CDK14: variants seen among roughly 807,000 people sequenced by gnomAD.
CDK14 encodes cyclin-dependent kinase 14.
Under a neutral mutation model 60.7 loss-of-function variants are expected in CDK14, and 34 were observed. That is an observed-to-expected ratio of 0.56 (90% CI 0.43 to 0.75). CDK14 has a LOEUF of 0.75. Among genes scored for constraint, CDK14 ranks in the 30% least tolerant of loss-of-function variants. The pLI, the probability that CDK14 is intolerant of heterozygous loss-of-function variation, is 0.00. For synonymous variants in CDK14, 197 were observed against 203.7 expected, an observed-to-expected ratio of 0.97 and a Z score of 0.28; for missense variants, 482 against 564.1, an observed-to-expected ratio of 0.85 and a Z score of 1.47.
chr7:90,741,181 C>G lies in CDK14; in HGVS notation c.370-6500C>G, dbSNP rs541205112. The stretch of plus-strand genomic sequence containing the variant: ...CTTGAAGCACTTACTAATTTTCCAG[C>G]AGTTCCCTCAACATTTGCCACAGTC... On this transcript the variant is annotated intron_variant, in intron 3 of 14. Coordinates refer to ENST00000380050, the MANE Select transcript of CDK14 (RefSeq NM_001287135.2). 3.3e-5 allele frequency among the ~76,000 whole-genome samples: 5 copies of G among 152,292 alleles called. No homozygotes were observed. The South Asian group carries it at 1.0e-3, about 32-fold the overall frequency.
rs144244349 is a variant in CDK14, at chr7:90,730,038, A to G, written c.369+3226A>G. On this transcript the variant is annotated intron_variant, in intron 3 of 14. Coordinates refer to ENST00000380050, the MANE Select transcript of CDK14 (RefSeq NM_001287135.2). ...ATCCCTCCCCTAGCCCTGGTGTATG[A>G]TGTTCCCCTCCCTGTGTCCATGTGT... Among the ~76,000 whole-genome samples the G allele has an allele frequency of 1.9e-3, 283 of 151,872 alleles. 2 individuals are homozygous for G. Among genetic ancestry groups the G allele is most frequent in the African/African-American group, 6.5e-3 (269 of 41,434 alleles).
intron 5 of CDK14, among the ~76,000 whole-genome samples, chr7:90,835,237 G>T (rs937118251): frequency 6.6e-6 from 1 of 152,176 alleles, no homozygotes; most frequent in Non-Finnish European, 1.5e-5. Context: ...AGAGGAATTT[G>T]TAAGGATTGG....
At chr7:91,019,784 C>T (rs1254528824) in intron 10 of CDK14, among the ~76,000 whole-genome samples, 1 of 152,156 alleles carries the variant, frequency 6.6e-6, no homozygotes, top group Non-Finnish European at 1.5e-5. Flanking sequence ...TTCTTTACTG[C>T]TTAGGGCTTT....
chr7:90,823,037 G>A (rs1393792992), intron 5 of CDK14, among the ~76,000 whole-genome samples: 1 of 152,146 alleles, frequency 6.6e-6, no homozygotes, highest in Non-Finnish European at 1.5e-5. Context: ...GGGCTAGTGT[G>A]TTGCTCTTCC....
At chr7:90,866,233 T>TACACACACACACACACACACACACACAC (rs3038210) in intron 6 of CDK14, among the ~76,000 whole-genome samples, 5 of 140,286 alleles carry the variant, frequency 3.6e-5, no homozygotes, top group Non-Finnish European at 7.8e-5. Flanking sequence ...CACATACACA[T>TACACACACACACACACACACACACACAC]ACACACACAC....
At chr7:90,747,578 T>C in intron 3 of CDK14, 103 bp from the exon 4 acceptor site, 1 of 680,456 alleles carries the variant, frequency 1.5e-6, no homozygotes, top group Non-Finnish European at 2.5e-6. Context: ...AAACAGTTAT[T>C]TAAAAAGTGA....
chr7:90,886,997 C>T (rs1403948010), intron 6 of CDK14, among the ~76,000 whole-genome samples: 2 of 152,088 alleles, frequency 1.3e-5, no homozygotes, highest in South Asian at 2.1e-4. Flanking sequence ...GACATTTGCT[C>T]ATAGGTACTG....
chr7:91,207,127 AT>A (rs1447410361), intron 14 of CDK14, 37 bp from the exon 15 acceptor site: 2 of 152,052 alleles, frequency 1.3e-5, no homozygotes, highest in East Asian at 1.9e-4. Flanking sequence ...AATGGTGTAG[AT>A]TTTTTATATA....
At chr7:91,105,842 A>T (rs908285415) in intron 12 of CDK14, among the ~76,000 whole-genome samples, 2 of 152,194 alleles carry the variant, frequency 1.3e-5, no homozygotes. Flanking sequence ...AGACTATCAA[A>T]ACTGAATAGG....
chr7:90,810,248 A>C (rs916170374), intron 5 of CDK14, among the ~76,000 whole-genome samples: 1 of 152,234 alleles, frequency 6.6e-6, no homozygotes, highest in Non-Finnish European at 1.5e-5. Flanking sequence ...CAAGTCCAGC[A>C]ACACATCAAA....
At chr7:91,190,750 A>G (rs1307043361) in intron 14 of CDK14, among the ~76,000 whole-genome samples, 1 of 151,988 alleles carries the variant, frequency 6.6e-6, no homozygotes, top group Admixed American at 6.5e-5. Context: ...TCGGCCTCCC[A>G]AAGTGCTAGG....
intron 8 of CDK14, among the ~76,000 whole-genome samples, chr7:90,919,920 G>A (rs1263124022): frequency 1.3e-5 from 2 of 152,238 alleles, no homozygotes; most frequent in Non-Finnish European, 2.9e-5. Flanking sequence ...AGACTGCTGT[G>A]CAGAAGGATC....
At chr7:91,009,061 T>A (rs1007346055) in intron 10 of CDK14, among the ~76,000 whole-genome samples, 2 of 152,156 alleles carry the variant, frequency 1.3e-5, no homozygotes, top group African/African-American at 4.8e-5. Flanking sequence ...CTGTCTGCTG[T>A]CACTGTAGAT....
chr7:90,725,461 T>C (rs1165338643), intron 2 of CDK14, among the ~76,000 whole-genome samples: 1 of 152,178 alleles, frequency 6.6e-6, no homozygotes, highest in African/African-American at 2.4e-5. Flanking sequence ...TCTGTGTATC[T>C]GTGGGTTCTG....
intron 10 of CDK14, among the ~76,000 whole-genome samples, chr7:91,025,858 G>A (rs1470844666): frequency 6.6e-6 from 1 of 152,174 alleles, no homozygotes; most frequent in Non-Finnish European, 1.5e-5. Context: ...GGCAGGAGTT[G>A]CATTGTTGCC....
At chr7:91,145,918 C>CTTTA (rs144547153) in intron 14 of CDK14, among the ~76,000 whole-genome samples, 16,093 of 147,694 alleles carry the variant, frequency 0.11, 1,823 homozygotes, top group African/African-American at 0.29. Flanking sequence ...ACCTGGCTTG[C>CTTTA]TTTATTTATT....
chr7:90,605,527 G>C (rs904666377), intron 2 of CDK14, among the ~76,000 whole-genome samples: 1 of 152,146 alleles, frequency 6.6e-6, no homozygotes, highest in Non-Finnish European at 1.5e-5. Context: ...TTGTTATTGA[G>C]ATATTTTTCA....
At chr7:90,960,729 T>A (rs532737476) in intron 9 of CDK14, among the ~76,000 whole-genome samples, 1 of 152,284 alleles carries the variant, frequency 6.6e-6, no homozygotes, top group South Asian at 2.1e-4. Context: ...TTTAATGATC[T>A]TTCTTGAGCC....
intron 8 of CDK14, among the ~76,000 whole-genome samples, chr7:90,950,530 C>T (rs1182473391): frequency 6.6e-6 from 1 of 152,096 alleles, no homozygotes; most frequent in African/African-American, 2.4e-5. Context: ...AAAGTAAAAT[C>T]CACTGGGTTT....
Sources: gnomAD v4.1 joint callset for allele counts (sites outside exome capture counted in the v4.1 genomes callset) on GRCh38, gnomAD v4.1.1 for gene constraint, MANE v1.5 for transcripts, NCBI Gene and HGNC (gene_info 2026-07-23, HGNC 2026-07-21) for gene names.